The following ARHGAP20 variants were observed in gnomAD, a reference collection of about 807,000 sequenced individuals.
The protein encoded by ARHGAP20 is rho GTPase-activating protein 20.
ARHGAP20 carries 34 observed loss-of-function variants against 73.7 expected under a neutral mutation model. The ratio of observed to expected loss-of-function variants is 0.46; its 90% confidence interval spans 0.35 to 0.61. The LOEUF (loss-of-function observed/expected upper bound fraction) is 0.61. ARHGAP20 is among the 20% of genes least tolerant of loss of function. The probability of loss-of-function intolerance (pLI) is 0.00; values close to 1 mark genes in which losing one functional copy is unlikely to be tolerated. For synonymous variants in ARHGAP20, 523 were observed against 518.2 expected (o/e 1.01, Z -0.13); for missense variants, 1,314 against 1,420.9 (o/e 0.92, Z 1.21).
At chr11:110,702,383 T>C (rs1002106059) in intron 1 of ARHGAP20, among the ~76,000 whole-genome samples, 2 of 152,134 alleles carry the variant, frequency 1.3e-5, no homozygotes, top group South Asian at 2.1e-4. Flanking sequence ...ATGGGATGTA[T>C]CTCAAAATAA....
At chr11:110,694,040 G>T (rs745624727) in intron 1 of ARHGAP20, among the ~76,000 whole-genome samples, 1 of 151,786 alleles carries the variant, frequency 6.6e-6, no homozygotes, top group Non-Finnish European at 1.5e-5. Context: ...ATACATTTAG[G>T]CAAAAATACT....
At chr11:110,608,146 G>T (rs1948278390) in intron 8 of ARHGAP20, among the ~76,000 whole-genome samples, 1 of 152,232 alleles carries the variant, frequency 6.6e-6, no homozygotes. Flanking sequence ...ACAAATGAAA[G>T]AATTACATGA....
intron 2 of ARHGAP20, among the ~76,000 whole-genome samples, chr11:110,648,306 ATGTG>A (rs1949270254): frequency 7.2e-6 from 1 of 139,096 alleles, no homozygotes; most frequent in Non-Finnish European, 1.5e-5. Context: ...TCAAAGACAT[ATGTG>A]TATATGTCTA....
rs774519462 is a variant in ARHGAP20 at position 110,579,797 on chromosome 11, A to C, written c.3149T>G (p.Leu1050Arg). The C allele has an allele frequency of 2.5e-6, 4 of 1,613,926 alleles. No individual in the cohort carries two copies. The African/African-American group carries it at 5.3e-5, about 22-fold the overall frequency. The change falls in exon 15 of 15, where the codon CTC becomes CGC. Residue 1050 changes from leucine (L) to arginine (R), a missense_variant. Leu to Arg is a moderately radical substitution (Grantham distance 102). This residue lies in a region of ARHGAP20 where 641 missense variants were observed against 636.9 expected (regional missense o/e 1.01). Coordinates refer to ENST00000683387, the MANE Select transcript of ARHGAP20 (RefSeq NM_001384657.1). ...NGVASLKNWS[L>R]KKKAKAARPE... Reference sequence around the variant, plus strand: ...TCTGGCTGCCTTTGCTTTCTTTTTGAGGGACCAGTTTTTCAAACTGGCCAC... The same window carrying C: ...TCTGGCTGCCTTTGCTTTCTTTTTGCGGGACCAGTTTTTCAAACTGGCCAC...
Position 110,578,846 on chromosome 11 carries a change from G to A in ARHGAP20, c.*524C>T, listed in dbSNP as rs982611151. On this transcript the variant is annotated 3_prime_UTR_variant, in exon 15 of 15. Transcript: ENST00000683387. ...GTGATTAGTAAGATCCCACAAAAAT[G>A]GCCACTGGCTTAGATTTAGGGAAAG... is the stretch of plus-strand genomic sequence containing the variant. The A allele has an allele frequency of 4.1e-6, 4 of 985,738 alleles. No individual in the cohort carries two copies. The African/African-American group carries it at 5.2e-5, about 13-fold the overall frequency. The allele number at this position is 985,738 out of a possible 1,614,324, so 61.1% of individuals were successfully genotyped here. A position where few individuals can be genotyped will look rare whatever the true frequency, so the allele number is the denominator to read the frequency against.
In ARHGAP20 at chr11:110,579,722, G is replaced by T. The variant is rs374179856; in HGVS notation, c.3224C>A (p.Pro1075Gln). Residue 1075 changes from proline (P) to glutamine (Q), a missense_variant, in exon 15 of 15, where the codon CCA (proline) becomes CAA (glutamine). Around this residue, in one of 3 missense-constraint regions of ARHGAP20, gnomAD observed 641 missense variants for 636.9 expected, o/e 1.01. Coordinates refer to ENST00000683387, the MANE Select transcript of ARHGAP20 (RefSeq NM_001384657.1). ...ASPKGPLEPP[P>Q]HASGVPEANS... ...GGCTTCTGGAACACCAGAAGCATGT[G>T]GGGGTGGCTCTAAGGGTCCTTTTGG... 5.6e-6 allele frequency: 9 copies of T among 1,614,180 alleles called. No homozygotes were observed. In the South Asian group the frequency reaches 7.7e-5, roughly 14 times the overall value.
intron 5 of ARHGAP20, among the ~76,000 whole-genome samples, chr11:110,615,014 C>A (rs976209082): frequency 2.0e-5 from 3 of 152,122 alleles, no homozygotes; most frequent in Non-Finnish European, 4.4e-5. Context: ...AAGCAATGAC[C>A]TTGTACTTCT....
In ARHGAP20 at chr11:110,586,227, A is replaced by G; in HGVS notation, c.1404T>C (p.Asn468=). ...ATTAGAATAATTACCTTTGAACAGT[A>G]TTTATTTTCTCTTCATCATTTCCTT... ...MDQGNDEEKI[N]TVQRLLDQLP... Residue 468 remains asparagine, a synonymous_variant, in exon 12 of 15, where the codon AAT becomes AAC. Coordinates refer to ENST00000683387, the MANE Select transcript of ARHGAP20 (RefSeq NM_001384657.1). The G allele has an allele frequency of 6.6e-7, 1 of 1,523,766 alleles. No individual in the cohort carries two copies. Among genetic ancestry groups the G allele is most frequent in the Non-Finnish European group, 8.9e-7 (1 of 1,129,930 alleles). 94.4% of individuals were successfully genotyped at this position (1,523,766 alleles called of 1,614,324 possible). A position where few individuals can be genotyped will look rare whatever the true frequency, so the allele number is the denominator to read the frequency against.
At chr11:110,660,584 T>A (rs1427745903) in intron 2 of ARHGAP20, among the ~76,000 whole-genome samples, 4 of 152,154 alleles carry the variant, frequency 2.6e-5, no homozygotes, top group African/African-American at 7.2e-5. Context: ...CATCGACAGA[T>A]CTACCCTGCC....
chr11:110,587,056 A>C (rs1468523647), intron 11 of ARHGAP20, among the ~76,000 whole-genome samples: 1 of 152,206 alleles, frequency 6.6e-6, no homozygotes, highest in Non-Finnish European at 1.5e-5. Context: ...GACCACTGGC[A>C]GGGCTGAGTG....
Position 110,577,258 on chromosome 11 carries a change from T to C in ARHGAP20, c.*2112A>G, listed in dbSNP as rs1947308784. 2 of 1,438,506 alleles carry C rather than the reference T, an allele frequency of 1.4e-6. No individual in the cohort carries two copies. The highest frequency in any genetic ancestry group is 1.8e-6 in the Non-Finnish European group (2 of 1,093,792). The allele number at this position is 1,438,506 out of a possible 1,614,324, so 89.1% of individuals were successfully genotyped here. The stretch of plus-strand genomic sequence containing the variant: ...TTTTAGATAAAGCATCAGTCTAATA[T>C]ATTATAGATTGATGGAGTATAATAA... On this transcript the variant is annotated 3_prime_UTR_variant, in exon 15 of 15. Transcript: ENST00000683387.
chr11:110,611,405 A>G lies in ARHGAP20; in HGVS notation c.631-19T>C. 8.0e-7 allele frequency: 1 copy of G among 1,247,024 alleles called. No individual in the cohort carries two copies. The highest frequency in any genetic ancestry group is 1.1e-6 in the Non-Finnish European group (1 of 898,470). The allele number at this position is 1,247,024 out of a possible 1,614,324, so 77.2% of individuals were successfully genotyped here. On this transcript the variant is annotated intron_variant, in intron 6 of 14. Coordinates refer to ENST00000683387, the MANE Select transcript of ARHGAP20 (RefSeq NM_001384657.1). Reference sequence around the variant, plus strand: ...TTTTAGACTGTAGAAAAAAAATAAGAAATATAGCTATAAAATAATGAATTT... The same window carrying G: ...TTTTAGACTGTAGAAAAAAAATAAGGAATATAGCTATAAAATAATGAATTT...
intron 9 of ARHGAP20, among the ~76,000 whole-genome samples, chr11:110,598,629 G>T (rs1948032517): frequency 1.3e-5 from 2 of 152,198 alleles, no homozygotes; most frequent in Admixed American, 6.5e-5. Flanking sequence ...AGTGCTAACT[G>T]CCTGAAGGAA....
chr11:110,663,562 A>C (rs1293874582), intron 2 of ARHGAP20, among the ~76,000 whole-genome samples: 3 of 152,038 alleles, frequency 2.0e-5, no homozygotes, highest in Non-Finnish European at 4.4e-5. Context: ...AACAACCTGA[A>C]TAGTATTATT....
chr11:110,626,297 A>G (rs1345556661), intron 3 of ARHGAP20, among the ~76,000 whole-genome samples: 2 of 152,182 alleles, frequency 1.3e-5, no homozygotes, highest in Non-Finnish European at 2.9e-5. Flanking sequence ...TTGACCTGGA[A>G]AAAAAGTCAT....
At chr11:110,639,221 C>T (rs2134979443) in intron 2 of ARHGAP20, among the ~76,000 whole-genome samples, 1 of 142,878 alleles carries the variant, frequency 7.0e-6, no homozygotes, top group South Asian at 2.1e-4. Flanking sequence ...GCAGCACACA[C>T]TCATATTTTA....
intron 9 of ARHGAP20, among the ~76,000 whole-genome samples, chr11:110,606,028 C>A (rs1948219269): frequency 6.6e-6 from 1 of 152,190 alleles, no homozygotes; most frequent in South Asian, 2.1e-4. Context: ...TTTTATCATT[C>A]CAGAGTCTTT....
intron 2 of ARHGAP20, among the ~76,000 whole-genome samples, chr11:110,650,904 C>A (rs572840632): frequency 6.6e-6 from 1 of 152,080 alleles, no homozygotes; most frequent in East Asian, 1.9e-4. Context: ...AGCCCTGATG[C>A]GAGGACAAAT....
chr11:110,661,546 T>A (rs1220216506), intron 2 of ARHGAP20, among the ~76,000 whole-genome samples: 1 of 151,998 alleles, frequency 6.6e-6, no homozygotes, highest in East Asian at 1.9e-4. Context: ...AGTAAAAAAA[T>A]TCAACATTTG....
Sources: allele counts gnomAD v4.1 joint callset (sites outside exome capture counted in the v4.1 genomes callset), GRCh38; gene constraint gnomAD v4.1.1; regional missense constraint gnomAD v4.1.1; transcripts MANE v1.5; gene names NCBI Gene and HGNC (gene_info 2026-07-23, HGNC 2026-07-21).